The following DLGAP2 variants were observed in gnomAD, a reference collection of about 807,000 sequenced individuals.
DLGAP2 encodes disks large-associated protein 2.
In DLGAP2, 26 loss-of-function variants were observed where a neutral mutation model predicts 100.3. The observed-to-expected ratio is 0.26, with a 90% CI of 0.19 to 0.36. DLGAP2 has a LOEUF of 0.36. DLGAP2 is among the 10% of genes least tolerant of loss of function. DLGAP2 has a pLI of 1.00. For synonymous variants in DLGAP2, 886 were observed against 630.1 expected (o/e 1.41, Z -6.08); for missense variants, 1,858 against 1,453.2 (o/e 1.28, Z -4.53).
intron 2 of DLGAP2, among the ~76,000 whole-genome samples, chr8:1,242,291 A>G (rs1438905995): frequency 6.6e-6 from 1 of 152,028 alleles, no homozygotes; most frequent in East Asian, 1.9e-4. Flanking sequence ...GACATATGAG[A>G]GGATGCAGGT....
chr8:1,065,493 G>A (rs760161052), intron 2 of DLGAP2, among the ~76,000 whole-genome samples: 2 of 152,158 alleles, frequency 1.3e-5, no homozygotes, highest in Admixed American at 6.5e-5. Flanking sequence ...CACACAACAC[G>A]GAGCGTTTTG....
chr8:986,334 T>A (rs966165662), intron 2 of DLGAP2, among the ~76,000 whole-genome samples: 1 of 152,212 alleles, frequency 6.6e-6, no homozygotes, highest in Non-Finnish European at 1.5e-5. Flanking sequence ...TTTTAAAAAA[T>A]TTCACTTTAA....
chr8:1,208,619 C>T (rs543793342), intron 2 of DLGAP2, among the ~76,000 whole-genome samples: 14 of 99,664 alleles, frequency 1.4e-4, no homozygotes, highest in South Asian at 3.1e-4. Flanking sequence ...TACTAGAAGT[C>T]CTAGCCAGAG....
At chr8:883,770 T>C (rs1263421048) in intron 1 of DLGAP2, among the ~76,000 whole-genome samples, 1 of 152,150 alleles carries the variant, frequency 6.6e-6, no homozygotes, top group Non-Finnish European at 1.5e-5. Flanking sequence ...TATTAACCCA[T>C]CCTGTAAGTT....
At chr8:1,091,950 C>G (rs1036369755) in intron 2 of DLGAP2, among the ~76,000 whole-genome samples, 1 of 152,188 alleles carries the variant, frequency 6.6e-6, no homozygotes, top group African/African-American at 2.4e-5. Context: ...CTGGGAGTTC[C>G]ATGTCGTCTG....
At chr8:1,460,710 A>G (rs1022108877) in intron 3 of DLGAP2, among the ~76,000 whole-genome samples, 1 of 152,230 alleles carries the variant, frequency 6.6e-6, no homozygotes, top group Non-Finnish European at 1.5e-5. Flanking sequence ...GAGATAACTC[A>G]TAATTTGTTT....
chr8:944,512 A>T (rs1799269274), intron 2 of DLGAP2, among the ~76,000 whole-genome samples: 1 of 151,648 alleles, frequency 6.6e-6, no homozygotes, highest in Non-Finnish European at 1.5e-5. Flanking sequence ...GGTGGTAACC[A>T]GTCCATGTGG....
At chr8:1,107,001 A>G (rs1015502959) in intron 2 of DLGAP2, among the ~76,000 whole-genome samples, 4 of 152,106 alleles carry the variant, frequency 2.6e-5, no homozygotes, top group South Asian at 2.1e-4. Flanking sequence ...GAGAGAGTCT[A>G]TTAAACCGCA....
At chr8:1,105,878 T>C (rs944771588) in intron 2 of DLGAP2, among the ~76,000 whole-genome samples, 1 of 150,156 alleles carries the variant, frequency 6.7e-6, no homozygotes, top group Non-Finnish European at 1.5e-5. Context: ...AGGAGGGTTT[T>C]CTATTGAAGG....
chr8:1,645,538 A>G (rs1373100650), intron 8 of DLGAP2, among the ~76,000 whole-genome samples: 1 of 152,148 alleles, frequency 6.6e-6, no homozygotes, highest in Non-Finnish European at 1.5e-5. Context: ...GAGCATCTGT[A>G]TATTTATTTT....
chr8:1,580,724 A>T (rs1410315865), intron 6 of DLGAP2, among the ~76,000 whole-genome samples: 4 of 151,970 alleles, frequency 2.6e-5, no homozygotes, highest in Middle Eastern at 3.4e-3. Context: ...ATACAGACAA[A>T]CCCCCACACA....
At chr8:1,377,436 C>T (rs1795981055) in intron 3 of DLGAP2, among the ~76,000 whole-genome samples, 1 of 152,210 alleles carries the variant, frequency 6.6e-6, no homozygotes, top group African/African-American at 2.4e-5. Context: ...CGCAGCTACT[C>T]TGGAGGCTGA....
At chr8:1,007,736 G>A (rs1352089772) in intron 2 of DLGAP2, among the ~76,000 whole-genome samples, 1 of 152,164 alleles carries the variant, frequency 6.6e-6, no homozygotes, top group East Asian at 1.9e-4. Flanking sequence ...TTCATATAAG[G>A]AAGCAGCTGA....
chr8:1,074,693 A>G (rs528815815), intron 2 of DLGAP2, among the ~76,000 whole-genome samples: 4 of 152,320 alleles, frequency 2.6e-5, no homozygotes, highest in African/African-American at 7.2e-5. Flanking sequence ...ACTTTGGGGA[A>G]AGGAAGAGAG....
intron 3 of DLGAP2, among the ~76,000 whole-genome samples, chr8:1,450,894 C>G (rs937881946): frequency 3.9e-5 from 6 of 152,164 alleles, no homozygotes; most frequent in Non-Finnish European, 8.8e-5. Context: ...AAACAGTCCT[C>G]TATGAATTGC....
At chr8:1,206,185 C>G (rs1358050286) in intron 2 of DLGAP2, among the ~76,000 whole-genome samples, 2 of 152,178 alleles carry the variant, frequency 1.3e-5, no homozygotes, top group South Asian at 2.1e-4. Flanking sequence ...AGGGTAGGTA[C>G]AAGTGCCAGG....
At chr8:1,316,754 G>C (rs1476921701) in intron 3 of DLGAP2, among the ~76,000 whole-genome samples, 1 of 140,418 alleles carries the variant, frequency 7.1e-6, no homozygotes, top group African/African-American at 2.7e-5. Context: ...TTTAAAAATA[G>C]AGCGTGTGCG....
chr8:913,271 T>G (rs1798525760), intron 2 of DLGAP2, among the ~76,000 whole-genome samples: 1 of 152,214 alleles, frequency 6.6e-6, no homozygotes, highest in African/African-American at 2.4e-5. Flanking sequence ...ACACCATTGT[T>G]GAAATGTTAG....
At chr8:956,213 G>T (rs1200195480) in intron 2 of DLGAP2, among the ~76,000 whole-genome samples, 1 of 152,208 alleles carries the variant, frequency 6.6e-6, no homozygotes, top group Non-Finnish European at 1.5e-5. Flanking sequence ...CTGTGCAGTG[G>T]TGGATGTGAT....
Sources: gnomAD v4.1 joint callset for allele counts (sites outside exome capture counted in the v4.1 genomes callset) on GRCh38, gnomAD v4.1.1 for gene constraint, MANE v1.5 for transcripts, NCBI Gene and HGNC (gene_info 2026-07-23, HGNC 2026-07-21) for gene names.